The following SAMMSON variants were observed in gnomAD, a reference collection of about 807,000 sequenced individuals.
SAMMSON encodes the protein long intergenic non-protein coding RNA 1212.
At chr3:70,088,022 A>G (rs1370115578) in intron 4 of SAMMSON, among the ~76,000 whole-genome samples, 5 of 152,130 alleles carry the variant, frequency 3.3e-5, no homozygotes, top group African/African-American at 9.7e-5. Flanking sequence ...GTGTGGCTGA[A>G]TCCAGGGGCC....
At chr3:70,076,964 T>C (rs2067250237) in intron 4 of SAMMSON, among the ~76,000 whole-genome samples, 2 of 152,186 alleles carry the variant, frequency 1.3e-5, no homozygotes, top group South Asian at 4.1e-4. Flanking sequence ...GACAAATCAG[T>C]GGTGGCTTGA....
intron 4 of SAMMSON, among the ~76,000 whole-genome samples, chr3:70,142,586 T>C (rs770244514): frequency 2.6e-5 from 4 of 152,088 alleles, no homozygotes; most frequent in Non-Finnish European, 5.9e-5. Context: ...TTGGGTGCAG[T>C]GTATACTGCT....
intron 3 of SAMMSON, among the ~76,000 whole-genome samples, chr3:70,038,739 G>A (rs185339663): frequency 6.6e-6 from 1 of 152,136 alleles, no homozygotes; most frequent in Admixed American, 6.6e-5. Flanking sequence ...GACTCTGGGA[G>A]CCCCACAGTC....
At chr3:70,231,808 T>C (rs1701562260) in intron 4 of SAMMSON, among the ~76,000 whole-genome samples, 1 of 152,142 alleles carries the variant, frequency 6.6e-6, no homozygotes, top group Admixed American at 6.5e-5. Context: ...TGAAATTACT[T>C]GGACCAGGAG....
chr3:70,341,624 G>A (rs1192682073), intron 7 of SAMMSON, among the ~76,000 whole-genome samples: 2 of 152,082 alleles, frequency 1.3e-5, no homozygotes, highest in African/African-American at 2.4e-5. Flanking sequence ...AACCTCAAGA[G>A]GCAAAGACTT....
intron 4 of SAMMSON, among the ~76,000 whole-genome samples, chr3:70,087,381 T>C (rs2067289443): frequency 6.6e-6 from 1 of 152,204 alleles, no homozygotes; most frequent in South Asian, 2.1e-4. Flanking sequence ...GCCAGTGCCA[T>C]GCACTTTAGG....
intron 9 of SAMMSON, among the ~76,000 whole-genome samples, chr3:70,380,589 C>T (rs9846805): frequency 0.096 from 14,615 of 151,802 alleles, 765 homozygotes; most frequent in African/African-American, 0.12. Context: ...ATGTGCACAA[C>T]GTGCAGGTTA....
chr3:70,375,053 C>A (rs953780282), intron 9 of SAMMSON, among the ~76,000 whole-genome samples: 6 of 151,974 alleles, frequency 3.9e-5, no homozygotes, highest in Non-Finnish European at 8.8e-5. Context: ...TGTGTGCATG[C>A]GTGTAAAGTC....
At chr3:70,244,165 T>C (rs766117425) in intron 4 of SAMMSON, among the ~76,000 whole-genome samples, 6 of 152,194 alleles carry the variant, frequency 3.9e-5, no homozygotes, top group Non-Finnish European at 8.8e-5. Context: ...TTTAATCCAC[T>C]TCACCACCTA....
rs572642561 is a variant in SAMMSON, at chr3:70,299,587, G to A, written n.739+8344G>A. 7.6e-4 allele frequency among the ~76,000 whole-genome samples: 115 copies of A among 152,194 alleles called. 1 individual carries two copies. The highest frequency in any genetic ancestry group is 2.6e-3 in the African/African-American group (110 of 41,548). On this transcript the variant is annotated intron_variant and non_coding_transcript_variant, in intron 7 of 9. Coordinates refer to ENST00000642114, the Ensembl canonical transcript of SAMMSON. The stretch of plus-strand genomic sequence containing the variant: ...ATGGCCAAGGCTCGTTGGAGTCAGC[G>A]TTCTCTTGGGTGCCAGCCCTTTGTT...
At chr3:70,095,256 C>T (rs551304307) in intron 4 of SAMMSON, among the ~76,000 whole-genome samples, 1 of 152,162 alleles carries the variant, frequency 6.6e-6, no homozygotes, top group African/African-American at 2.4e-5. Flanking sequence ...ATCTTTAGTT[C>T]CCTTAGGGAA....
At chr3:70,418,970 C>CTTTCCT (rs374917823) in intron 2 of SAMMSON, among the ~76,000 whole-genome samples, 232 of 86,574 alleles carry the variant, frequency 2.7e-3, no homozygotes, top group African/African-American at 3.6e-3. Context: ...CTTTCCTTTC[C>CTTTCCT]TTCCTTCCTT....
At chr3:70,110,526 G>A (rs2067384422) in intron 4 of SAMMSON, among the ~76,000 whole-genome samples, 1 of 152,156 alleles carries the variant, frequency 6.6e-6, no homozygotes, top group African/African-American at 2.4e-5. Context: ...CTGGTCCAAT[G>A]TCAGAATTCT....
intron 7 of SAMMSON, among the ~76,000 whole-genome samples, chr3:70,348,065 A>T (rs1001748605): frequency 6.6e-6 from 1 of 152,106 alleles, no homozygotes; most frequent in South Asian, 2.1e-4. Context: ...GAAAAGAACA[A>T]TGTTAAAAAG....
At chr3:70,406,305 A>G (rs1169320536) in intron 2 of SAMMSON, among the ~76,000 whole-genome samples, 1 of 152,224 alleles carries the variant, frequency 6.6e-6, no homozygotes, top group Admixed American at 6.5e-5. Context: ...AATAAGTACA[A>G]TTAACTTAGA....
At chr3:70,431,799 T>TTA (rs1701414663) in intron 2 of SAMMSON, among the ~76,000 whole-genome samples, 1 of 152,026 alleles carries the variant, frequency 6.6e-6, no homozygotes, top group Admixed American at 6.6e-5. Context: ...AATGGATTAG[T>TTA]TATATATATT....
chr3:70,065,840 A>G (rs987542863), intron 3 of SAMMSON, among the ~76,000 whole-genome samples: 1 of 152,066 alleles, frequency 6.6e-6, no homozygotes, highest in African/African-American at 2.4e-5. Flanking sequence ...TGCCCACTCC[A>G]TCCCTTGTTA....
exon 6 of SAMMSON, chr3:70,249,600 C>G (rs1234870861): frequency 1.3e-5 from 2 of 151,952 alleles, no homozygotes; most frequent in Admixed American, 6.6e-5. Context: ...GCAGGTGCCC[C>G]TGCTGTGAAA....
chr3:70,291,662 A>T (rs1416566885), intron 7 of SAMMSON, among the ~76,000 whole-genome samples: 2 of 152,126 alleles, frequency 1.3e-5, no homozygotes, highest in African/African-American at 2.4e-5. Flanking sequence ...CTCATAACAG[A>T]TTTGCTAGCT....
Sources: allele counts gnomAD v4.1 joint callset (sites outside exome capture counted in the v4.1 genomes callset), GRCh38; gene constraint gnomAD v4.1.1; transcripts MANE v1.5; gene names NCBI Gene and HGNC (gene_info 2026-07-23, HGNC 2026-07-21).